ZNF451: variants seen among roughly 807,000 people sequenced by gnomAD.
ZNF451 encodes E3 SUMO-protein ligase ZNF451.
A neutral mutation model predicts 107.1 loss-of-function variants in ZNF451; 80 were observed. The observed-to-expected ratio is 0.75, with a 90% CI of 0.62 to 0.90. The LOEUF is 0.90. ZNF451 is among the 40% of genes least tolerant of loss of function. The pLI, the probability that ZNF451 is intolerant of heterozygous loss-of-function variation, is 0.00. For missense variants in ZNF451, 1,107 were observed against 1,236.2 expected (o/e 0.90, Z 1.57); for synonymous variants, 362 against 406.5 (o/e 0.89, Z 1.32).
chr6:57,112,980 TTTTG>T (rs1830179621), intron 3 of ZNF451, among the ~76,000 whole-genome samples: 1 of 152,130 alleles, frequency 6.6e-6, no homozygotes, highest in Admixed American at 6.5e-5. Context: ...AAGCCCAGCT[TTTTG>T]TTCCTTTTTC....
chr6:57,118,533 G>C (rs1414803475), intron 3 of ZNF451, among the ~76,000 whole-genome samples: 1 of 151,890 alleles, frequency 6.6e-6, no homozygotes, highest in Non-Finnish European at 1.5e-5. Flanking sequence ...TTGCTTTGTT[G>C]TCCCCCAGGC....
At chr6:57,163,469 G>T (rs1181095517) in intron 14 of ZNF451, among the ~76,000 whole-genome samples, 1 of 8,832 alleles carries the variant, frequency 1.1e-4, no homozygotes, top group African/African-American at 3.0e-4. Context: ...TTTTTTTTTT[G>T]AGACGGAGTC....
rs1832298512 is a variant in ZNF451, at chr6:57,150,631, A to G, written c.2609-88A>G. ...ACATTCAAGGTTAGTATTTTTGCAT[A>G]TTAGGCTTCTAATACTTTTTGGACT... On this transcript the variant is annotated intron_variant, in intron 10 of 14. Coordinates refer to ENST00000370706, the MANE Select transcript of ZNF451 (RefSeq NM_001031623.3). The G allele has an allele frequency of 2.9e-6, 4 of 1,358,844 alleles. No individual in the cohort carries two copies. The East Asian group carries it at 9.2e-5, about 31-fold the overall frequency. The allele number at this position is 1,358,844 out of a possible 1,614,324, so 84.2% of individuals were successfully genotyped here.
chr6:57,105,090 A>G (rs1829785399), intron 3 of ZNF451: 1 of 985,324 alleles, frequency 1.0e-6, no homozygotes, highest in South Asian at 4.7e-5. Flanking sequence ...TTACCCCAAT[A>G]GAATCAGAAA....
At chr6:57,128,672 T>C (rs1056221029) in intron 4 of ZNF451, 57 bp from the exon 5 acceptor site, 5 of 1,225,760 alleles carry the variant, frequency 4.1e-6, no homozygotes, top group Non-Finnish European at 5.9e-6. Flanking sequence ...GTCAAAATCC[T>C]TTTCTCAAGG....
intron 3 of ZNF451, among the ~76,000 whole-genome samples, chr6:57,114,415 A>G (rs1830266186): frequency 6.6e-6 from 1 of 152,234 alleles, no homozygotes; most frequent in African/African-American, 2.4e-5. Context: ...TTTGTGTTTT[A>G]GCTAAATGTT....
At chr6:57,124,701 T>C in intron 3 of ZNF451, 33 bp from the exon 4 acceptor site, 1 of 1,466,676 alleles carries the variant, frequency 6.8e-7, no homozygotes, top group Non-Finnish European at 9.5e-7. Context: ...GCTAATTTTG[T>C]TAAAAGGAAT....
chr6:57,129,189 A>G (rs1290950477), intron 5 of ZNF451, among the ~76,000 whole-genome samples: 1 of 152,200 alleles, frequency 6.6e-6, no homozygotes, highest in Non-Finnish European at 1.5e-5. Context: ...CTCTAAGGAA[A>G]TGGAATTTAA....
chr6:57,127,793 AT>A (rs1363060159), intron 4 of ZNF451, among the ~76,000 whole-genome samples: 1 of 152,230 alleles, frequency 6.6e-6, no homozygotes, highest in Non-Finnish European at 1.5e-5. Context: ...GCCAAAAAGT[AT>A]TAATTTTAAT....
intron 3 of ZNF451, chr6:57,103,536 A>G: frequency 3.0e-6 from 3 of 985,388 alleles, no homozygotes; most frequent in Non-Finnish European, 3.6e-6. Context: ...TGTATGGTAT[A>G]TCAGCCCTTA....
At chr6:57,096,068 C>A (rs2127933448) in intron 2 of ZNF451, among the ~76,000 whole-genome samples, 1 of 152,172 alleles carries the variant, frequency 6.6e-6, no homozygotes, top group South Asian at 2.1e-4. Flanking sequence ...ATGTGGTCCA[C>A]CTGCCTTGGC....
At chr6:57,130,184 T>C (rs1480662424) in intron 5 of ZNF451, among the ~76,000 whole-genome samples, 1 of 152,152 alleles carries the variant, frequency 6.6e-6, no homozygotes, top group Non-Finnish European at 1.5e-5. Flanking sequence ...CTATAAATAT[T>C]TGCATAATGA....
chr6:57,151,505 C>G (rs982875936), intron 11 of ZNF451: 1 of 151,590 alleles, frequency 6.6e-6, no homozygotes, highest in East Asian at 1.9e-4. Flanking sequence ...ATGGTTTTAT[C>G]CCTTTTAAAA....
At chr6:57,106,335 G>A in intron 3 of ZNF451, 6 of 932,592 alleles carry the variant, frequency 6.4e-6, no homozygotes, top group Non-Finnish European at 6.3e-6. Flanking sequence ...TTTTGAGACA[G>A]TTTCGCTCTT....
intron 2 of ZNF451, chr6:57,092,674 A>C (rs2127928910): frequency 6.6e-6 from 1 of 152,334 alleles, no homozygotes; most frequent in Middle Eastern, 3.4e-3. Flanking sequence ...TATTCAGTAA[A>C]GATGAAAAAG....
Position 57,150,779 on chromosome 6 carries a change from T to G in ZNF451, c.2669T>G (p.Phe890Cys). Residue 890 changes from phenylalanine (F) to cysteine (C), a missense_variant, in exon 11 of 15, where the codon TTT becomes TGT. By Grantham distance (205) the Phe-to-Cys change is radical (BLOSUM62 -2). Coordinates refer to ENST00000370706, the MANE Select transcript of ZNF451 (RefSeq NM_001031623.3). ...DYLRTMTHIV[F>C]VDFDNWSNFF... Reference sequence around the variant, plus strand: ...CTGCGAACCATGACTCATATAGTCTTTGTAGATTTTGATAACTGGTCAAAC... The same window carrying G: ...CTGCGAACCATGACTCATATAGTCTGTGTAGATTTTGATAACTGGTCAAAC... The G allele has an allele frequency of 6.2e-7, 1 of 1,614,068 alleles. No homozygotes were observed. Among genetic ancestry groups the G allele is most frequent in the Non-Finnish European group, 8.5e-7 (1 of 1,179,978 alleles).
intron 9 of ZNF451, among the ~76,000 whole-genome samples, chr6:57,143,418 G>A (rs925351637): frequency 6.6e-6 from 1 of 151,992 alleles, no homozygotes; most frequent in African/African-American, 2.4e-5. Context: ...GCAATTCTCT[G>A]TTGTTTGCCC....
intron 7 of ZNF451, among the ~76,000 whole-genome samples, chr6:57,139,513 A>G (rs1224074956): frequency 6.6e-6 from 1 of 152,174 alleles, no homozygotes; most frequent in Non-Finnish European, 1.5e-5. Context: ...AACTATACTG[A>G]TGGTTCTAGT....
At chr6:57,103,316 A>G (rs757227151) in intron 3 of ZNF451, 2 of 985,480 alleles carry the variant, frequency 2.0e-6, no homozygotes, top group Non-Finnish European at 2.4e-6. Flanking sequence ...GATGATATCC[A>G]TTAATGATTT....
Sources: allele counts gnomAD v4.1 joint callset (sites outside exome capture counted in the v4.1 genomes callset), GRCh38; gene constraint gnomAD v4.1.1; transcripts MANE v1.5; gene names NCBI Gene and HGNC (gene_info 2026-07-23, HGNC 2026-07-21).